Variants in KLHL1 observed in about 807,000 individuals in gnomAD.
The protein encoded by KLHL1 is kelch like family member 1, also known as kelch-like protein 1.
A neutral mutation model predicts 77.7 loss-of-function variants in KLHL1; 47 were observed. The observed-to-expected ratio is 0.60, with a 90% CI of 0.48 to 0.77. The LOEUF (loss-of-function observed/expected upper bound fraction) is 0.77. KLHL1 is among the 30% of genes least tolerant of loss of function. The pLI, the probability that KLHL1 is intolerant of heterozygous loss-of-function variation, is 0.00. For synonymous variants in KLHL1, 360 were observed against 325.2 expected, an observed-to-expected ratio of 1.11 and a Z score of -1.15; for missense variants, 925 against 910.8, an observed-to-expected ratio of 1.02 and a Z score of -0.20.
At chr13:69,915,727 G>A (rs996008936) in intron 4 of KLHL1, among the ~76,000 whole-genome samples, 19 of 152,018 alleles carry the variant, frequency 1.2e-4, no homozygotes, top group Non-Finnish European at 1.5e-4. Context: ...GGCAACAAAA[G>A]CCAAAATTGA....
intron 5 of KLHL1, among the ~76,000 whole-genome samples, chr13:69,844,046 T>C (rs1879364766): frequency 6.6e-6 from 1 of 151,548 alleles, no homozygotes; most frequent in Admixed American, 6.6e-5. Flanking sequence ...ATAAGGATTA[T>C]ATCAAATTTT....
chr13:69,869,715 T>C (rs1028726315), intron 5 of KLHL1, among the ~76,000 whole-genome samples: 2 of 152,174 alleles, frequency 1.3e-5, no homozygotes, highest in African/African-American at 2.4e-5. Flanking sequence ...CTCTTAGAAA[T>C]GAAAATCTTA....
At chr13:70,075,512 T>TAA (rs2137423240) in intron 1 of KLHL1, among the ~76,000 whole-genome samples, 1 of 145,682 alleles carries the variant, frequency 6.9e-6, no homozygotes, top group East Asian at 2.0e-4. Context: ...AATATATATA[T>TAA]AATTATTGCA....
At position 70,060,538 on chromosome 13, in the gene KLHL1, C is replaced by CAA. The variant is rs113523630; in HGVS notation, c.497+46663_497+46664dup. Among the ~76,000 whole-genome samples the CAA allele has an allele frequency of 4.2e-3, 628 of 147,934 alleles. 4 individuals carry two copies. Among genetic ancestry groups the CAA allele is most frequent in the South Asian group, 0.012 (55 of 4,676 alleles). On this transcript the variant is annotated intron_variant, in intron 1 of 10. Transcript: ENST00000377844. ...ACCTATTTGTTAACAGACAAATAGA[C>CAA]AAAAAAAAAAATGTGGTATATATAG...
intron 5 of KLHL1, among the ~76,000 whole-genome samples, chr13:69,856,889 C>T (rs764493262): frequency 1.3e-5 from 2 of 151,880 alleles, no homozygotes; most frequent in Non-Finnish European, 2.9e-5. Context: ...ATCCTTTTCC[C>T]TCCCCAAGAT....
chr13:69,734,711 T>C (rs4306398), intron 8 of KLHL1, among the ~76,000 whole-genome samples: 5 of 152,202 alleles, frequency 3.3e-5, no homozygotes, highest in African/African-American at 1.2e-4. Flanking sequence ...ACAGCAATAC[T>C]AAATAAATGA....
chr13:69,807,540 C>T (rs1440737210), intron 6 of KLHL1, among the ~76,000 whole-genome samples: 1 of 152,146 alleles, frequency 6.6e-6, no homozygotes, highest in East Asian at 1.9e-4. Context: ...AAACCACACT[C>T]CCCATGTAGT....
intron 1 of KLHL1, among the ~76,000 whole-genome samples, chr13:70,094,298 C>A (rs567281588): frequency 4.2e-4 from 64 of 151,722 alleles, no homozygotes; most frequent in Admixed American, 2.2e-3. Flanking sequence ...TGCACTCCAG[C>A]TGCATGACAG....
At chr13:70,067,649 AAC>A (rs2137413330) in intron 1 of KLHL1, among the ~76,000 whole-genome samples, 1 of 152,130 alleles carries the variant, frequency 6.6e-6, no homozygotes, top group East Asian at 1.9e-4. Context: ...CAACAACAAC[AAC>A]AACAACAACA....
In KLHL1 at chr13:69,838,985, T is replaced by C; in HGVS notation, c.1405A>G (p.Asn469Asp). 6.2e-7 allele frequency: 1 copy of C among 1,603,642 alleles called. No individual in the cohort carries two copies. The highest frequency in any genetic ancestry group is 8.5e-7 in the Non-Finnish European group (1 of 1,174,912). Reference sequence around the variant, plus strand: ...ATCCAGAATTAAATACCTTTGTTGTTATCCATTCCTCCTACAGCATACAAA... The same window carrying C: ...ATCCAGAATTAAATACCTTTGTTGTCATCCATTCCTCCTACAGCATACAAA... ...GTLYAVGGMD[N>D]NKGATTIEKY... Residue 469 changes from asparagine to aspartate, a missense_variant, in exon 6 of 11, where the codon AAC becomes GAC. Transcript: ENST00000377844.
chr13:69,840,696 A>ATG (rs1566312665), intron 5 of KLHL1, among the ~76,000 whole-genome samples: 7 of 143,798 alleles, frequency 4.9e-5, no homozygotes, highest in African/African-American at 1.5e-4. Context: ...ATATATATAT[A>ATG]TATATGTATG....
At chr13:69,739,342 G>A (rs988834316) in intron 8 of KLHL1, among the ~76,000 whole-genome samples, 5 of 152,054 alleles carry the variant, frequency 3.3e-5, no homozygotes, top group Admixed American at 3.3e-4. Flanking sequence ...CTACTACATA[G>A]ACAAGTCTGC....
intron 5 of KLHL1, 76 bp downstream of exon 5, chr13:69,882,207 T>C (rs1404568320): frequency 4.2e-6 from 4 of 960,998 alleles, no homozygotes; most frequent in Admixed American, 4.2e-5. Flanking sequence ...TAATTAAAAA[T>C]GTGTTTTGAT....
chr13:69,925,195 A>T (rs1882774472), intron 4 of KLHL1, among the ~76,000 whole-genome samples: 1 of 151,958 alleles, frequency 6.6e-6, no homozygotes, highest in South Asian at 2.1e-4. Flanking sequence ...TATGGTTAAA[A>T]CTTCAGATTT....
At chr13:69,889,667 T>C (rs988596702) in intron 4 of KLHL1, among the ~76,000 whole-genome samples, 3 of 152,036 alleles carry the variant, frequency 2.0e-5, no homozygotes, top group Admixed American at 6.6e-5. Flanking sequence ...GGTGATTTAA[T>C]TTGGAGAGTT....
chr13:69,942,926 C>G (rs775728919), intron 3 of KLHL1, among the ~76,000 whole-genome samples: 1 of 152,056 alleles, frequency 6.6e-6, no homozygotes. Flanking sequence ...TTATATGTTA[C>G]ATTTACTTGT....
chr13:69,920,795 T>C (rs1882606958), intron 4 of KLHL1, among the ~76,000 whole-genome samples: 1 of 152,152 alleles, frequency 6.6e-6, no homozygotes, highest in Admixed American at 6.6e-5. Flanking sequence ...AGCAAAAATA[T>C]GTGTTTACAT....
chr13:69,884,414 C>A (rs1593916280), intron 4 of KLHL1, among the ~76,000 whole-genome samples: 2 of 129,986 alleles, frequency 1.5e-5, no homozygotes, highest in Non-Finnish European at 1.6e-5. Flanking sequence ...GATGTTTTGC[C>A]ATCAGATTTT....
At chr13:69,984,220 T>C (rs1169846495) in intron 1 of KLHL1, among the ~76,000 whole-genome samples, 1 of 152,104 alleles carries the variant, frequency 6.6e-6, no homozygotes, top group Non-Finnish European at 1.5e-5. Flanking sequence ...ATGTCCTTGG[T>C]AAGGTTTCTC....
Sources: gnomAD v4.1 joint callset for allele counts (sites outside exome capture counted in the v4.1 genomes callset) on GRCh38, gnomAD v4.1.1 for gene constraint, MANE v1.5 for transcripts, NCBI Gene and HGNC (gene_info 2026-07-23, HGNC 2026-07-21) for gene names.